The following NSD1 variants were observed in gnomAD, a reference collection of about 807,000 sequenced individuals.
NSD1 encodes the protein nuclear receptor binding SET domain protein 1, also known as histone-lysine N-methyltransferase, H3 lysine-36 specific.
In NSD1, 26 loss-of-function variants were observed where a neutral mutation model predicts 242.7. The observed-to-expected ratio is 0.11, with a 90% CI of 0.08 to 0.15. The LOEUF is 0.15. Among genes scored for constraint, NSD1 ranks in the 10% least tolerant of loss-of-function variants. The pLI, the probability that NSD1 is intolerant of heterozygous loss-of-function variation, is 1.00. For missense variants in NSD1, 2,495 were observed against 3,272.8 expected (o/e 0.76, Z 5.80); for synonymous variants, 1,106 against 1,178.1 (o/e 0.94, Z 1.25).
intron 19 of NSD1, among the ~76,000 whole-genome samples, chr5:177,282,951 AT>A (rs1216949362): frequency 6.6e-6 from 1 of 151,830 alleles, no homozygotes; most frequent in Non-Finnish European, 1.5e-5. Context: ...GATTATGTAA[AT>A]TTTTTTTTAA....
intron 2 of NSD1, among the ~76,000 whole-genome samples, chr5:177,173,773 A>G (rs763422034): frequency 1.4e-4 from 22 of 152,218 alleles, no homozygotes; most frequent in Admixed American, 3.3e-4. Flanking sequence ...CACCTGGCCT[A>G]CTATCTGGCT....
chr5:177,190,751 G>C (rs1304792726), intron 2 of NSD1, among the ~76,000 whole-genome samples: 16 of 148,934 alleles, frequency 1.1e-4, no homozygotes, highest in African/African-American at 4.0e-4. Context: ...CTCACTGCAA[G>C]CTCCGCCTCC....
chr5:177,170,011 C>T (rs1759553670), intron 2 of NSD1, among the ~76,000 whole-genome samples: 1 of 152,092 alleles, frequency 6.6e-6, no homozygotes, highest in African/African-American at 2.4e-5. Context: ...GCTCTGTCGC[C>T]CAGGCTGGAG....
chr5:177,172,137 C>T (rs913498834), intron 2 of NSD1, among the ~76,000 whole-genome samples: 1 of 152,142 alleles, frequency 6.6e-6, no homozygotes, highest in African/African-American at 2.4e-5. Flanking sequence ...GAGATACTGG[C>T]CCTTGAAGTT....
rs1346231775 is a variant in NSD1 at position 177,134,183 on chromosome 5, C to T, written c.-18+231C>T. On this transcript the variant is annotated intron_variant, in intron 1 of 22. Coordinates refer to ENST00000439151, the MANE Select transcript of NSD1 (RefSeq NM_022455.5). This position sits in a 1 kb window ranked among gnomAD's most constrained non-coding sequence, Gnocchi z 4.2. ...AGCTGGCCGGGCTGCCGCGAACTTCCTCCCGGCGCGGCCCGTGCCCCGCCG... is the reference window on the plus strand; with the variant it reads ...AGCTGGCCGGGCTGCCGCGAACTTCTTCCCGGCGCGGCCCGTGCCCCGCCG... 2 of 151,682 alleles carry T rather than the reference C, an allele frequency of 1.3e-5. No individual in the cohort carries two copies. The highest frequency in any genetic ancestry group is 2.9e-5 in the Non-Finnish European group (2 of 67,826). 9.4% of individuals were successfully genotyped at this position (151,682 alleles called of 1,614,324 possible). A position where few individuals can be genotyped will look rare whatever the true frequency, so the allele number is the denominator to read the frequency against.
At position 177,284,651 on chromosome 5, in the gene NSD1, A is replaced by G. The variant is rs143686442; in HGVS notation, c.6151+723A>G. Among the ~76,000 whole-genome samples the G allele has an allele frequency of 3.2e-3, 487 of 152,316 alleles. 3 individuals are homozygous for G. Among genetic ancestry groups the G allele is most frequent in the African/African-American group, 0.011 (437 of 41,558 alleles). ...TGGTTTTAATGGAACAAATTTTCAC[A>G]TTCATATGAACTTACCACTAATAGG... On this transcript the variant is annotated intron_variant, in intron 20 of 22. Transcript: ENST00000439151.
At chr5:177,256,884 C>A (rs1756512684) in intron 12 of NSD1, 67 bp from the exon 13 acceptor site, 1 of 1,355,506 alleles carries the variant, frequency 7.4e-7, no homozygotes, top group Non-Finnish European at 1.1e-6. Flanking sequence ...ATGAACTTTT[C>A]ACCTAATGGT....
rs1763276418 is a variant in NSD1 at position 177,210,774 on chromosome 5, G to A, written c.2375G>A (p.Cys792Tyr). 3.1e-6 allele frequency: 5 copies of A among 1,614,166 alleles called. No homozygotes were observed. The highest frequency in any genetic ancestry group is 1.3e-5 in the African/African-American group (1 of 75,036). The change falls in exon 5 of 23, where the codon TGC becomes TAC. Residue 792 changes from cysteine to tyrosine, a missense_variant. Physicochemically the swap from Cys to Tyr is radical, Grantham distance 194 (BLOSUM62 -2). Around this residue, in one of 19 missense-constraint regions of NSD1, gnomAD observed 515 missense variants for 467.0 expected, o/e 1.10. Coordinates refer to ENST00000439151, the MANE Select transcript of NSD1 (RefSeq NM_022455.5). ...SKQPKFRSIK[C>Y]KHKENPVMAE... ...CAGCCCAAGTTCCGAAGTATAAAGTGCAAACACAAAGAAAATCCAGTTATG... is the reference window on the plus strand; with the variant it reads ...CAGCCCAAGTTCCGAAGTATAAAGTACAAACACAAAGAAAATCCAGTTATG...
chr5:177,256,943 C>A lies in NSD1; in HGVS notation c.4766-8C>A. ...TTCTTACTAATTTATCTTCTTTTGGCTTCTCAGGAATCCATACCTGTTTTG... is the reference window on the plus strand; with the variant it reads ...TTCTTACTAATTTATCTTCTTTTGGATTCTCAGGAATCCATACCTGTTTTG... On this transcript the variant is annotated splice_region_variant and splice_polypyrimidine_tract_variant and intron_variant, in intron 12 of 22. Transcript: ENST00000439151. 6.2e-7 allele frequency: 1 copy of A among 1,611,460 alleles called. No homozygotes were observed. The highest frequency in any genetic ancestry group is 8.5e-7 in the Non-Finnish European group (1 of 1,177,570).
chr5:177,277,500 T>G (rs1157077203), intron 17 of NSD1, among the ~76,000 whole-genome samples: 2 of 152,236 alleles, frequency 1.3e-5, no homozygotes, highest in Non-Finnish European at 2.9e-5. Flanking sequence ...TAACTCCTGA[T>G]CTATAGTGAG....
intron 5 of NSD1, among the ~76,000 whole-genome samples, chr5:177,217,215 T>C (rs1464655427): frequency 6.6e-6 from 1 of 152,162 alleles, no homozygotes; most frequent in Non-Finnish European, 1.5e-5. Flanking sequence ...CAACCATTTC[T>C]CCTCCTTGGT....
intron 14 of NSD1, among the ~76,000 whole-genome samples, chr5:177,261,947 G>A (rs1465075761): frequency 6.6e-6 from 1 of 152,172 alleles, no homozygotes; most frequent in Non-Finnish European, 1.5e-5. Flanking sequence ...AATAGAATGA[G>A]CATTGTACTT....
Position 177,198,809 on chromosome 5 carries a change from A to G in NSD1, c.1064-5311A>G, listed in dbSNP as rs184065013. On this transcript the variant is annotated intron_variant, in intron 3 of 22. Transcript: ENST00000439151. ...CTTTATCCAGGCTTTAGATTTGTAT[A>G]CTCAACTCCATACTTGAAGTTTTCA... 2.0e-5 allele frequency among the ~76,000 whole-genome samples: 3 copies of G among 152,288 alleles called. No homozygotes were observed. The East Asian group carries it at 5.8e-4, about 29-fold the overall frequency.
At chr5:177,273,651 T>C in intron 16 of NSD1, 21 bp from the exon 17 acceptor site, 3 of 1,551,450 alleles carry the variant, frequency 1.9e-6, no homozygotes, top group Non-Finnish European at 2.7e-6. Context: ...TTGAAGTGAC[T>C]TGTGCTGTCT....
At chr5:177,204,315 TA>T (rs931850136) in intron 4 of NSD1, 23 bp downstream of exon 4, 1 of 1,605,688 alleles carries the variant, frequency 6.2e-7, no homozygotes, top group African/African-American at 1.3e-5. Context: ...AAAGGCTTTT[TA>T]TTGAGTGACA....
chr5:177,150,274 C>G (rs181500878), intron 2 of NSD1, among the ~76,000 whole-genome samples: 4 of 151,972 alleles, frequency 2.6e-5, no homozygotes, highest in Non-Finnish European at 5.9e-5. Context: ...GCTGGGATTA[C>G]AGGCACCCGC....
At chr5:177,194,437 A>G (rs1488216327) in intron 3 of NSD1, among the ~76,000 whole-genome samples, 1 of 142,134 alleles carries the variant, frequency 7.0e-6, no homozygotes. Context: ...GCCACCACAC[A>G]TGGCTTTTTT....
rs1278011388 is a variant in NSD1 at position 177,135,234 on chromosome 5, A to C, written c.131A>C (p.Asn44Thr). ...CAATCCAATTTTTCTGAGCCACTTA[A>C]TGGGTGTACTATGCAGTTATCGACT... is the stretch of plus-strand genomic sequence containing the variant. ...NGQSNFSEPL[N>T]GCTMQLSTVS... Residue 44 changes from asparagine (N) to threonine (T), a missense_variant, in exon 2 of 23, where the codon AAT (asparagine) becomes ACT (threonine). Coordinates refer to ENST00000439151, the MANE Select transcript of NSD1 (RefSeq NM_022455.5). 6.2e-7 allele frequency: 1 copy of C among 1,613,588 alleles called. No individual in the cohort carries two copies. The highest frequency in any genetic ancestry group is 8.5e-7 in the Non-Finnish European group (1 of 1,179,608).
At chr5:177,255,223 T>C (rs771966306) in intron 12 of NSD1, among the ~76,000 whole-genome samples, 2 of 151,924 alleles carry the variant, frequency 1.3e-5, no homozygotes, top group South Asian at 2.1e-4. Context: ...GAGAATTGCT[T>C]GATCCCAGGA....
Sources: gnomAD v4.1 joint callset for allele counts (sites outside exome capture counted in the v4.1 genomes callset) on GRCh38, gnomAD v4.1.1 for gene constraint, gnomAD v4.1.1 regional missense constraint, Gnocchi (gnomAD v3.1) non-coding constraint, MANE v1.5 for transcripts, NCBI Gene and HGNC (gene_info 2026-07-23, HGNC 2026-07-21) for gene names.